Variants in ADCY4 observed in about 807,000 individuals in gnomAD.
ADCY4 encodes adenylate cyclase type 4.
Under a neutral mutation model 125.5 loss-of-function variants are expected in ADCY4, and 111 were observed. The observed-to-expected ratio is 0.88, with a 90% CI of 0.76 to 1.04. The LOEUF is 1.04. Ranked by LOEUF, ADCY4 falls within the 50% of genes least tolerant of loss-of-function variation. The pLI, the probability that ADCY4 is intolerant of heterozygous loss-of-function variation, is 0.00. For missense variants in ADCY4, 1,256 were observed against 1,382.9 expected, an observed-to-expected ratio of 0.91 and a Z score of 1.46; for synonymous variants, 576 against 586.9, an observed-to-expected ratio of 0.98 and a Z score of 0.27.
At chr14:24,324,847 G>A (rs1458497488) in intron 14 of ADCY4, among the ~76,000 whole-genome samples, 2 of 152,110 alleles carry the variant, frequency 1.3e-5, no homozygotes, top group African/African-American at 2.4e-5. Flanking sequence ...GGGATTACAG[G>A]CGCCTGCCAT....
chr14:24,318,521 G>A lies in ADCY4; in HGVS notation c.3129C>T (p.Cys1043=), dbSNP rs202128991. 3.7e-6 allele frequency: 6 copies of A among 1,614,200 alleles called. No homozygotes were observed. In the South Asian group the frequency reaches 6.6e-5, roughly 18 times the overall value. ...AWALQSLGYT[C]YSRGVIKVKG... is the part of the protein sequence containing the mutation. ...TCACCTTGATGACACCCCGGCTGTAGCAGGTGTAGCCCAGGGACTGTAGGG... is the reference window on the plus strand; with the variant it reads ...TCACCTTGATGACACCCCGGCTGTAACAGGTGTAGCCCAGGGACTGTAGGG... Residue 1043 remains cysteine, a synonymous_variant, in exon 25 of 25, where the codon TGC becomes TGT. Transcript: ENST00000418030.
At chr14:24,327,998 T>C (rs1282953132) in intron 10 of ADCY4, among the ~76,000 whole-genome samples, 1 of 152,204 alleles carries the variant, frequency 6.6e-6, no homozygotes, top group Admixed American at 6.5e-5. Context: ...AATCATAGCC[T>C]AGGAAAAACC....
intron 16 of ADCY4, 47 bp downstream of exon 16, chr14:24,324,015 G>A: frequency 6.3e-7 from 1 of 1,596,944 alleles, no homozygotes; most frequent in Non-Finnish European, 8.5e-7. Context: ...TCCCTGGCAG[G>A]TCCAACATGC....
intron 7 of ADCY4, 37 bp from the exon 8 acceptor site, chr14:24,330,055 C>T: frequency 6.2e-7 from 1 of 1,602,280 alleles, no homozygotes; most frequent in Non-Finnish European, 8.5e-7. Flanking sequence ...TGAGTCCTAC[C>T]CTCAGCCCTG....
chr14:24,324,494 G>A, intron 14 of ADCY4, 103 bp from the exon 15 acceptor site: 6 of 1,353,916 alleles, frequency 4.4e-6, no homozygotes, highest in Non-Finnish European at 6.2e-6. Flanking sequence ...AGTGGTTCTG[G>A]GGAATCTGGG....
In ADCY4 at chr14:24,331,212, C is replaced by T. The variant is rs1050749803; in HGVS notation, c.814G>A (p.Val272Ile). 5 of 1,614,080 alleles carry T rather than the reference C, an allele frequency of 3.1e-6. No individual in the cohort carries two copies. In the African/African-American group the frequency reaches 6.7e-5, roughly 22 times the overall value. Residue 272 changes from valine (V) to isoleucine (I), a missense_variant, in exon 5 of 25, where the codon GTC (valine) becomes ATC (isoleucine). Val to Ile is a conservative substitution (Grantham distance 29, BLOSUM62 3). Coordinates refer to ENST00000418030, the MANE Select transcript of ADCY4 (RefSeq NM_001198568.2). Reference protein sequence around the residue: ...HSLYVKRHQGVSVLYADIVGF... With the variant: ...HSLYVKRHQGISVLYADIVGF... ...TCCAGCCATTCTTCCTCATACCTGA[C>T]TCCCTGGTGCCTCTTGACATAGAGG...
intron 1 of ADCY4, 51 bp downstream of exon 1, chr14:24,334,443 C>T: frequency 1.3e-6 from 2 of 1,512,664 alleles, no homozygotes; most frequent in South Asian, 1.3e-5. Context: ...AACCCCAACC[C>T]CGAAAATGCT....
In ADCY4 at chr14:24,334,971, T is replaced by G; in HGVS notation, c.-319A>C. On this transcript the variant is annotated 5_prime_UTR_variant, in exon 1 of 25. Coordinates refer to ENST00000418030, the MANE Select transcript of ADCY4 (RefSeq NM_001198568.2). ...GCGAGGGAGCCCCGGGTTCCCCTGA[T>G]CCCCGAACTCACTGCCCGCGGCGCT... The G allele has an allele frequency of 8.6e-6, 2 of 231,746 alleles. No individual in the cohort carries two copies. The highest frequency in any genetic ancestry group is 8.4e-6 in the Non-Finnish European group (1 of 119,304). The allele number at this position is 231,746 out of a possible 1,614,324, so 14.4% of individuals were successfully genotyped here. A position where few individuals can be genotyped will look rare whatever the true frequency, so the allele number is the denominator to read the frequency against.
At chr14:24,324,986 G>A (rs1199156653) in intron 14 of ADCY4, among the ~76,000 whole-genome samples, 1 of 152,100 alleles carries the variant, frequency 6.6e-6, no homozygotes, top group Non-Finnish European at 1.5e-5. Flanking sequence ...TTACAGGCGT[G>A]AGCCATCACA....
intron 16 of ADCY4, 114 bp downstream of exon 16, chr14:24,323,948 C>T: frequency 1.4e-6 from 2 of 1,413,336 alleles, no homozygotes; most frequent in Non-Finnish European, 1.9e-6. Flanking sequence ...TACAACATTT[C>T]CAGCATCCCC....
In ADCY4 at chr14:24,329,175, G is replaced by C. The variant is rs1222956440; in HGVS notation, c.1410C>G (p.Leu470=). The C allele has an allele frequency of 6.8e-6, 11 of 1,613,986 alleles. No individual in the cohort carries two copies. The highest frequency in any genetic ancestry group is 9.3e-6 in the Non-Finnish European group (11 of 1,179,926). ...AGGLLSSLEG[L]KMRPSLLMTR... is the part of the protein sequence containing the mutation. The stretch of plus-strand genomic sequence containing the variant: ...TCATCAGCAGTGATGGACGCATCTT[G>C]AGGCCCTCAAGCGAGGACAGCAAGC... Residue 470 remains leucine (L), a synonymous_variant, in exon 10 of 25, where the codon CTC becomes CTG. Coordinates refer to ENST00000418030, the MANE Select transcript of ADCY4 (RefSeq NM_001198568.2).
At position 24,319,333 on chromosome 14, in the gene ADCY4, T is replaced by C; in HGVS notation, c.2837A>G (p.Gln946Arg). 3.1e-6 allele frequency: 5 copies of C among 1,614,140 alleles called. No individual in the cohort carries two copies. Among genetic ancestry groups the C allele is most frequent in the Non-Finnish European group, 4.2e-6 (5 of 1,179,992 alleles). The part of the protein sequence containing the change: ...GLNATSGQDA[Q>R]QDAERSCSHL... ...GGTAAGGAAGGGTTGCCGTACCTGT[T>C]GTGCATCCTGTCCAGAGGTGGCATT... The change falls in exon 22 of 25, where the codon CAA becomes CGA. Residue 946 changes from glutamine to arginine, a missense_variant. By Grantham distance (43) the Gln-to-Arg change is conservative. Transcript: ENST00000418030. The surrounding 1 kb of genome is among the most constrained non-coding windows in gnomAD (Gnocchi z 4.5).
intron 1 of ADCY4, 104 bp from the exon 2 acceptor site, chr14:24,333,092 T>A: frequency 8.4e-7 from 1 of 1,197,096 alleles, no homozygotes; most frequent in Non-Finnish European, 1.1e-6. Context: ...CTGAAAGGTG[T>A]CTCAAGCCTA....
At chr14:24,331,414 TC>T in intron 4 of ADCY4, 58 bp from the exon 5 acceptor site, 1 of 1,600,080 alleles carries the variant, frequency 6.2e-7, no homozygotes. Flanking sequence ...GGAGGCCCTG[TC>T]CCCCAAATCA....
chr14:24,319,038 T>A lies in ADCY4; in HGVS notation c.2956+60A>T. The stretch of plus-strand genomic sequence containing the variant: ...GGAGCAGCTAACAAAGGACTTGGAG[T>A]GGGGCAAGCTCAGGAAGGTGAGGAG... On this transcript the variant is annotated intron_variant, in intron 23 of 24. Transcript: ENST00000418030. The surrounding 1 kb of genome is among the most constrained non-coding windows in gnomAD (Gnocchi z 4.5). 1 of 1,581,714 alleles carries A rather than the reference T, an allele frequency of 6.3e-7. No individual in the cohort carries two copies. The highest frequency in any genetic ancestry group is 8.7e-7 in the Non-Finnish European group (1 of 1,153,690).
intron 20 of ADCY4, 61 bp downstream of exon 20, chr14:24,322,005 T>C: frequency 1.9e-6 from 3 of 1,540,586 alleles, no homozygotes; most frequent in Non-Finnish European, 2.6e-6. Context: ...AGGTCAAGGC[T>C]TTCATCTGAA....
At chr14:24,321,413 GA>G (rs1366971108) in intron 20 of ADCY4, among the ~76,000 whole-genome samples, 2 of 151,182 alleles carry the variant, frequency 1.3e-5, no homozygotes, top group Non-Finnish European at 2.9e-5. Flanking sequence ...CGACGAGAGT[GA>G]AACTCTGTTG....
rs867901835 is a variant in ADCY4 at position 24,334,616 on chromosome 14, C to T, written c.37G>A (p.Glu13Lys). ...RLFSPRPPPS[E>K]DLFYETYYSL... ...TAGTAGGTCTCGTAGAAGAGGTCTT[C>T]GCTGGGGGGCGGCCGGGGGCTGAAG... Residue 13 changes from glutamate to lysine, a missense_variant, in exon 1 of 25, where the codon GAA becomes AAA. Physicochemically the swap from Glu to Lys is moderately conservative, Grantham distance 56 (BLOSUM62 1). Coordinates refer to ENST00000418030, the MANE Select transcript of ADCY4 (RefSeq NM_001198568.2). 6.4e-7 allele frequency: 1 copy of T among 1,558,760 alleles called. No homozygotes were observed. Among genetic ancestry groups the T allele is most frequent in the Non-Finnish European group, 8.7e-7 (1 of 1,154,352 alleles).
chr14:24,319,306 T>C lies in ADCY4; in HGVS notation c.2841+23A>G, dbSNP rs1017948479. On this transcript the variant is annotated intron_variant, in intron 22 of 24. Transcript: ENST00000418030. This position sits in a 1 kb window ranked among gnomAD's most constrained non-coding sequence, Gnocchi z 4.5. The stretch of plus-strand genomic sequence containing the variant: ...TCAATGAGAGCCCAGAGGAGGATGG[T>C]AGGTAAGGAAGGGTTGCCGTACCTG... 6.2e-6 allele frequency: 10 copies of C among 1,612,376 alleles called. No homozygotes were observed. Among genetic ancestry groups the C allele is most frequent in the Non-Finnish European group, 7.6e-6 (9 of 1,178,564 alleles).
Sources: gnomAD v4.1 joint callset for allele counts (sites outside exome capture counted in the v4.1 genomes callset) on GRCh38, gnomAD v4.1.1 for gene constraint, Gnocchi (gnomAD v3.1) non-coding constraint, MANE v1.5 for transcripts, NCBI Gene and HGNC (gene_info 2026-07-23, HGNC 2026-07-21) for gene names.